The following PPP1R9A variants were observed in gnomAD, a reference collection of about 807,000 sequenced individuals.
PPP1R9A encodes the protein protein phosphatase 1 regulatory subunit 9A, also known as neurabin-1.
Under a neutral mutation model 141.9 loss-of-function variants are expected in PPP1R9A, and 59 were observed. The observed-to-expected ratio is 0.42, with a 90% confidence interval of 0.34 to 0.52. The LOEUF (loss-of-function observed/expected upper bound fraction) is 0.52. Among genes scored for constraint, PPP1R9A ranks in the 20% least tolerant of loss-of-function variants. The pLI, the probability that PPP1R9A is intolerant of heterozygous loss-of-function variation, is 0.10. For missense variants in PPP1R9A, 1,444 were observed against 1,611.9 expected (o/e 0.90, Z 1.78); for synonymous variants, 500 against 569.7 (o/e 0.88, Z 1.74).
At chr7:95,019,988 A>G (rs1479989895) in intron 2 of PPP1R9A, among the ~76,000 whole-genome samples, 2 of 152,208 alleles carry the variant, frequency 1.3e-5, no homozygotes, top group Non-Finnish European at 2.9e-5. Flanking sequence ...AACAAACTGT[A>G]TCATACCCAA....
rs180895870 is a variant in PPP1R9A at position 95,016,527 on chromosome 7, T to C, written c.1396-94732T>C. Among the ~76,000 whole-genome samples, 293 of 152,192 alleles carry C rather than the reference T, an allele frequency of 1.9e-3. 2 individuals carry two copies. Among genetic ancestry groups the C allele is most frequent in the African/African-American group, 6.6e-3 (274 of 41,550 alleles). On this transcript the variant is annotated intron_variant, in intron 2 of 19. Coordinates refer to ENST00000433360, the MANE Select transcript of PPP1R9A (RefSeq NM_001166160.2). Reference sequence around the variant, plus strand: ...GGATAATACATGCCTAAGTAGAAGGTATCCTAAGAATACAAGGTTTATTTA... The same window carrying C: ...GGATAATACATGCCTAAGTAGAAGGCATCCTAAGAATACAAGGTTTATTTA...
In PPP1R9A at chr7:95,177,883, A is replaced by G. The variant is rs188509791; in HGVS notation, c.1754+15912A>G. Among the ~76,000 whole-genome samples the G allele has an allele frequency of 3.5e-4, 54 of 152,236 alleles. 1 individual carries two copies. The highest frequency in any genetic ancestry group is 4.2e-4 in the South Asian group (2 of 4,818). ...AAAAGAGGAGCTCCCAAATTTATAA[A>G]ACAATTACTGCTAGACCTAAGAAAT... On this transcript the variant is annotated intron_variant, in intron 5 of 19. Transcript: ENST00000433360.
intron 2 of PPP1R9A, among the ~76,000 whole-genome samples, chr7:94,994,103 A>T (rs1306858466): frequency 6.6e-6 from 1 of 152,188 alleles, no homozygotes; most frequent in African/African-American, 2.4e-5. Context: ...AGACTTAAAG[A>T]CCCAGGGAAA....
intron 2 of PPP1R9A, among the ~76,000 whole-genome samples, chr7:95,012,700 T>C (rs1804595593): frequency 6.6e-6 from 1 of 152,314 alleles, no homozygotes; most frequent in South Asian, 2.1e-4. Flanking sequence ...GAACCTGATC[T>C]GGAGAAAAGA....
intron 12 of PPP1R9A, among the ~76,000 whole-genome samples, chr7:95,255,574 G>A (rs957974793): frequency 3.9e-5 from 6 of 152,104 alleles, no homozygotes; most frequent in Non-Finnish European, 8.8e-5. Flanking sequence ...GTGGCTACTA[G>A]GCAGAAAGAA....
chr7:95,180,444 C>T (rs1278185293), intron 5 of PPP1R9A, among the ~76,000 whole-genome samples: 1 of 152,112 alleles, frequency 6.6e-6, no homozygotes, highest in African/African-American at 2.4e-5. Context: ...TGGAAAAACC[C>T]TTCTAGACAT....
chr7:95,138,935 T>C (rs1419716202), intron 4 of PPP1R9A, among the ~76,000 whole-genome samples: 1 of 152,078 alleles, frequency 6.6e-6, no homozygotes, highest in Non-Finnish European at 1.5e-5. Flanking sequence ...GGAAAACAGT[T>C]TGGAAGTTTT....
intron 2 of PPP1R9A, among the ~76,000 whole-genome samples, chr7:94,959,529 C>T (rs191242281): frequency 6.6e-6 from 1 of 151,494 alleles, no homozygotes; most frequent in African/African-American, 2.4e-5. Flanking sequence ...AAACTCTATA[C>T]ATTTAATATA....
At chr7:95,262,188 A>G (rs1800534526) in intron 12 of PPP1R9A, among the ~76,000 whole-genome samples, 1 of 152,172 alleles carries the variant, frequency 6.6e-6, no homozygotes, top group Admixed American at 6.5e-5. Flanking sequence ...CAAAGACACT[A>G]CAATATCAAT....
At chr7:95,066,567 G>A (rs1353843000) in intron 2 of PPP1R9A, among the ~76,000 whole-genome samples, 1 of 152,160 alleles carries the variant, frequency 6.6e-6, no homozygotes, top group East Asian at 1.9e-4. Flanking sequence ...TTCTAATAAA[G>A]TGATATTCAG....
At chr7:95,212,011 G>T (rs1034669567) in intron 7 of PPP1R9A, among the ~76,000 whole-genome samples, 4 of 152,026 alleles carry the variant, frequency 2.6e-5, no homozygotes, top group African/African-American at 9.7e-5. Flanking sequence ...TTAAAAAAAA[G>T]TTTGGGATGG....
At chr7:95,151,044 T>C (rs1828575097) in intron 4 of PPP1R9A, among the ~76,000 whole-genome samples, 1 of 152,234 alleles carries the variant, frequency 6.6e-6, no homozygotes, top group Non-Finnish European at 1.5e-5. Flanking sequence ...ATAAGGTGTC[T>C]CATTCATTGC....
chr7:95,211,193 A>G (rs1792052925), intron 7 of PPP1R9A, among the ~76,000 whole-genome samples: 1 of 152,042 alleles, frequency 6.6e-6, no homozygotes, highest in Admixed American at 6.6e-5. Flanking sequence ...TGAATGTCTG[A>G]CCCATGGACA....
chr7:95,041,846 G>A (rs1174732847), intron 2 of PPP1R9A, among the ~76,000 whole-genome samples: 1 of 151,810 alleles, frequency 6.6e-6, no homozygotes, highest in Non-Finnish European at 1.5e-5. Flanking sequence ...AATTTTTTCA[G>A]TGAGACTTCC....
intron 12 of PPP1R9A, among the ~76,000 whole-genome samples, chr7:95,258,103 C>G (rs1799873454): frequency 6.6e-6 from 1 of 151,616 alleles, no homozygotes; most frequent in Non-Finnish European, 1.5e-5. Flanking sequence ...CTGACTTCCA[C>G]AATGGTTGAA....
At chr7:95,078,905 C>T (rs984327012) in intron 2 of PPP1R9A, among the ~76,000 whole-genome samples, 31 of 152,096 alleles carry the variant, frequency 2.0e-4, no homozygotes, top group African/African-American at 6.7e-4. Context: ...AGTAGGTTTG[C>T]GAAAATTTTC....
intron 5 of PPP1R9A, among the ~76,000 whole-genome samples, chr7:95,186,906 G>C: frequency 6.6e-6 from 1 of 152,064 alleles, no homozygotes; most frequent in East Asian, 1.9e-4. Context: ...GTTGGATTTG[G>C]TTTACTAGTA....
In PPP1R9A at chr7:95,287,130, C is replaced by T. The variant is rs578242138; in HGVS notation, c.3729+805C>T. The stretch of plus-strand genomic sequence containing the variant: ...CTCAGAGCCTGGATATGATAGATGA[C>T]GAGGTGAGCTATCAGTGGGCTGTGT... On this transcript the variant is annotated intron_variant, in intron 18 of 19. Transcript: ENST00000433360. 3.4e-5 allele frequency: 55 copies of T among 1,613,138 alleles called. No homozygotes were observed. The South Asian group carries it at 4.2e-4, about 12-fold the overall frequency.
intron 14 of PPP1R9A, 114 bp from the exon 15 acceptor site, chr7:95,273,785 A>G: frequency 9.9e-7 from 1 of 1,014,560 alleles, no homozygotes; most frequent in Non-Finnish European, 1.4e-6. Context: ...TTGATTATTT[A>G]TTTTACAATT....
Sources: gnomAD v4.1 joint callset for allele counts (sites outside exome capture counted in the v4.1 genomes callset) on GRCh38, gnomAD v4.1.1 for gene constraint, MANE v1.5 for transcripts, NCBI Gene and HGNC (gene_info 2026-07-23, HGNC 2026-07-21) for gene names.